Variants in ELFN1 observed in about 807,000 individuals in gnomAD.
The protein encoded by ELFN1 is extracellular leucine rich repeat and fibronectin type III domain containing 1, also known as protein ELFN1.
Under a neutral mutation model 7.6 loss-of-function variants are expected in ELFN1, and 6 were observed. The observed-to-expected ratio is 0.79, with a 90% CI of 0.43 to 1.56. The LOEUF (loss-of-function observed/expected upper bound fraction) is 1.56. ELFN1 is among the 40% of genes most tolerant of loss of function. The pLI is 0.01. For synonymous variants in ELFN1, 657 were observed against 588.1 expected (o/e 1.12, Z -1.70); for missense variants, 1,169 against 1,232.2 (o/e 0.95, Z 0.77).
intron 1 of ELFN1, among the ~76,000 whole-genome samples, chr7:1,683,639 G>T (rs1351047217): frequency 2.0e-5 from 3 of 152,166 alleles, no homozygotes; most frequent in Non-Finnish European, 2.9e-5. Context: ...AGGGAGTGGA[G>T]TATTGAAATC....
chr7:1,687,800 A>G (rs1779085825), intron 1 of ELFN1, among the ~76,000 whole-genome samples: 1 of 152,184 alleles, frequency 6.6e-6, no homozygotes, highest in African/African-American at 2.4e-5. Flanking sequence ...ATTACTAGTG[A>G]ACACCTTTTC....
At position 1,747,001 on chromosome 7, in the gene ELFN1, A is replaced by C. The variant is rs756084251; in HGVS notation, c.2405A>C (p.Lys802Thr). 6.4e-7 allele frequency: 1 copy of C among 1,565,978 alleles called. No individual in the cohort carries two copies. Among genetic ancestry groups the C allele is most frequent in the East Asian group, 2.4e-5 (1 of 41,976 alleles). The change falls in exon 4 of 4, where the codon AAG becomes ACG. Residue 802 changes from lysine (K) to threonine (T), a missense_variant. Lys to Thr is a moderately conservative substitution (Grantham distance 78, BLOSUM62 -1). Coordinates refer to ENST00000424383, the MANE Select transcript of ELFN1 (RefSeq NM_001128636.4). ...ATGGCCGCGGGCCATGCCCTGCGCA[A>C]GAAGGTTCAGTTCGCCAAAGACGAG... is the stretch of plus-strand genomic sequence containing the variant. ...EFMAAGHALR[K>T]KVQFAKDEDL...
chr7:1,714,748 T>C (rs191388008), intron 3 of ELFN1, among the ~76,000 whole-genome samples: 21 of 152,340 alleles, frequency 1.4e-4, no homozygotes, highest in African/African-American at 4.8e-4. Context: ...AGAGTAACTT[T>C]CTCATAAAAT....
At chr7:1,707,224 C>T (rs1779553084) in intron 2 of ELFN1, among the ~76,000 whole-genome samples, 1 of 152,260 alleles carries the variant, frequency 6.6e-6, no homozygotes, top group Admixed American at 6.5e-5. Context: ...TCTGGCTGTT[C>T]CGCTTTTGGA....
intron 3 of ELFN1, among the ~76,000 whole-genome samples, chr7:1,726,726 C>T (rs1034069591): frequency 1.3e-5 from 2 of 152,172 alleles, no homozygotes; most frequent in African/African-American, 4.8e-5. Context: ...GGGTGTCACC[C>T]TGAGAAGAGG....
Position 1,745,709 on chromosome 7 carries a change from G to C in ELFN1, c.1113G>C (p.Leu371=), listed in dbSNP as rs1191920398. ...AGGAGGAGATCCGTCTGACCAACCT[G>C]TTCACGCTCACCAACTACACCTACT... is the stretch of plus-strand genomic sequence containing the variant. ...KAQEEIRLTN[L]FTLTNYTYCV... is the part of the protein sequence containing the mutation. Residue 371 remains leucine, a synonymous_variant, in exon 4 of 4, where the codon CTG becomes CTC. Transcript: ENST00000424383. 6 of 1,551,310 alleles carry C rather than the reference G, an allele frequency of 3.9e-6. No individual in the cohort carries two copies. Among genetic ancestry groups the C allele is most frequent in the Non-Finnish European group, 4.4e-6 (5 of 1,146,960 alleles).
intron 1 of ELFN1, among the ~76,000 whole-genome samples, chr7:1,685,523 G>C (rs1489767446): frequency 1.3e-5 from 2 of 151,918 alleles, no homozygotes; most frequent in Non-Finnish European, 2.9e-5. Flanking sequence ...GTGTTCTTTA[G>C]ATTGAATACT....
intron 2 of ELFN1, among the ~76,000 whole-genome samples, chr7:1,706,305 C>T (rs1360764622): frequency 6.6e-6 from 1 of 152,154 alleles, no homozygotes; most frequent in Admixed American, 6.5e-5. Context: ...TGCCTGTGAT[C>T]CCAGCTACTG....
chr7:1,734,214 T>C (rs1053434847), intron 3 of ELFN1, among the ~76,000 whole-genome samples: 1 of 152,076 alleles, frequency 6.6e-6, no homozygotes, highest in Non-Finnish European at 1.5e-5. Context: ...GTGATGCGCT[T>C]TCTGACGGTG....
At chr7:1,680,225 CTGGAACACCCCT>C (rs1778949075) in intron 1 of ELFN1, among the ~76,000 whole-genome samples, 1 of 152,188 alleles carries the variant, frequency 6.6e-6, no homozygotes. Flanking sequence ...CAGGGCAGTG[CTGGAACACCCCT>C]TGGAGGAGTG....
intron 2 of ELFN1, among the ~76,000 whole-genome samples, chr7:1,689,136 A>G (rs1453885286): frequency 6.6e-6 from 1 of 152,168 alleles, no homozygotes; most frequent in Non-Finnish European, 1.5e-5. Context: ...CCCCCACAAG[A>G]TTCCCTGGTG....
chr7:1,738,158 C>T (rs909341511), intron 3 of ELFN1, among the ~76,000 whole-genome samples: 15 of 152,238 alleles, frequency 9.9e-5, no homozygotes, highest in Admixed American at 9.2e-4. Flanking sequence ...GAGGGGCTTC[C>T]CACCCAGACC....
chr7:1,717,138 A>G lies in ELFN1; in HGVS notation c.-294+7886A>G, dbSNP rs528406694. ...AACACCACAGCCCTGAGCGATAGGC[A>G]TCAGTGGTGCCGCCGCACGCAGGAA... On this transcript the variant is annotated intron_variant, in intron 3 of 3. Transcript: ENST00000424383. 4.7e-4 allele frequency among the ~76,000 whole-genome samples: 71 copies of G among 152,306 alleles called. 3 individuals carry two copies. In the South Asian group the frequency reaches 0.014, roughly 30 times the overall value.
In ELFN1 at chr7:1,673,052, G is replaced by A. The variant is rs983915858; in HGVS notation, c.-549+2698G>A. Among the ~76,000 whole-genome samples the A allele has an allele frequency of 1.5e-4, 23 of 151,636 alleles. No homozygotes were observed. Among genetic ancestry groups the A allele is most frequent in the Admixed American group, 3.3e-4 (5 of 15,216 alleles). On this transcript the variant is annotated intron_variant, in intron 1 of 3. Transcript: ENST00000424383. This position sits in a 1 kb window ranked among gnomAD's most constrained non-coding sequence, Gnocchi z 4.7. ...ACCTGGAGCGGATGGTGGCACCGCC[G>A]CGGACATTGGATACATTTGTCATCT...
chr7:1,681,453 C>T (rs984333866), intron 1 of ELFN1, among the ~76,000 whole-genome samples: 1 of 152,192 alleles, frequency 6.6e-6, no homozygotes, highest in African/African-American at 2.4e-5. Flanking sequence ...ACCTCTGCCT[C>T]CCAGGCTCAA....
intron 2 of ELFN1, among the ~76,000 whole-genome samples, chr7:1,699,708 C>T (rs574919128): frequency 2.0e-5 from 3 of 152,098 alleles, no homozygotes; most frequent in Non-Finnish European, 4.4e-5. Flanking sequence ...AGTCATTCTC[C>T]TACTTTTTTT....
intron 1 of ELFN1, among the ~76,000 whole-genome samples, chr7:1,671,772 A>G (rs548595136): frequency 6.6e-6 from 1 of 152,280 alleles, no homozygotes; most frequent in East Asian, 1.9e-4. Context: ...CATTGAGAAG[A>G]CTGGCTTACA....
intron 1 of ELFN1, among the ~76,000 whole-genome samples, chr7:1,683,703 G>T (rs1779014028): frequency 6.6e-6 from 1 of 152,078 alleles, no homozygotes. Flanking sequence ...GCCAATTTTT[G>T]CTTCATGTAT....
chr7:1,734,887 G>A (rs374439523), intron 3 of ELFN1, among the ~76,000 whole-genome samples: 3 of 151,784 alleles, frequency 2.0e-5, no homozygotes, highest in South Asian at 4.2e-4. Context: ...TTGTAAAGAT[G>A]GGGTCTCACA....
Sources: gnomAD v4.1 joint callset for allele counts (sites outside exome capture counted in the v4.1 genomes callset) on GRCh38, gnomAD v4.1.1 for gene constraint, Gnocchi (gnomAD v3.1) non-coding constraint, MANE v1.5 for transcripts, NCBI Gene and HGNC (gene_info 2026-07-23, HGNC 2026-07-21) for gene names.